MTRF1: variants seen among roughly 807,000 people sequenced by gnomAD.
MTRF1 encodes the protein peptide chain release factor 1, mitochondrial.
In MTRF1, 51 loss-of-function variants were observed where a neutral mutation model predicts 62.9. The ratio of observed to expected loss-of-function variants is 0.81; its 90% CI spans 0.65 to 1.02. The LOEUF is 1.02. Ranked by LOEUF, MTRF1 falls within the 50% of genes least tolerant of loss-of-function variation. MTRF1 has a pLI of 0.00. For synonymous variants in MTRF1, 158 were observed against 181.9 expected, an observed-to-expected ratio of 0.87 and a Z score of 1.06; for missense variants, 446 against 530.0, an observed-to-expected ratio of 0.84 and a Z score of 1.56.
chr13:41,230,886 C>A (rs1318772620), intron 7 of MTRF1, among the ~76,000 whole-genome samples: 1 of 152,002 alleles, frequency 6.6e-6, no homozygotes, highest in Admixed American at 6.6e-5. Flanking sequence ...CTACACCCAG[C>A]TAATTTTTTT....
At chr13:41,223,461 A>T (rs2033802997) in intron 8 of MTRF1, 107 bp from the exon 9 acceptor site, 3 of 867,938 alleles carry the variant, frequency 3.5e-6, no homozygotes, top group African/African-American at 1.7e-5. Flanking sequence ...ATACTTTCTA[A>T]AAGACATATA....
In MTRF1 at chr13:41,219,674, T is replaced by A. The variant is rs534054866; in HGVS notation, c.1225-2446A>T. On this transcript the variant is annotated intron_variant, in intron 9 of 9. Coordinates refer to ENST00000379480, the MANE Select transcript of MTRF1 (RefSeq NM_004294.4). ...ACAAAGAGAATAGTATTTTCCCGAA[T>A]AGAAATGAGCTGGGCATTTCCATCA... 6.6e-5 allele frequency among the ~76,000 whole-genome samples: 10 copies of A among 152,322 alleles called. No individual in the cohort carries two copies. The South Asian group carries it at 2.1e-3, about 32-fold the overall frequency.
chr13:41,299,104 G>GGTGTGT, the MTRF1 span, among the ~76,000 whole-genome samples: 8,494 of 149,496 alleles, frequency 0.057, 277 homozygotes, highest in African/African-American at 0.091. Flanking sequence ...CTTCAACCTG[G>GGTGTGT]GTGTGTGTGT....
the MTRF1 span, among the ~76,000 whole-genome samples, chr13:41,271,091 A>ACACACACAC: frequency 8.8e-3 from 1,210 of 137,182 alleles, 21 homozygotes; most frequent in African/African-American, 0.032. Flanking sequence ...ACACACACAC[A>ACACACACAC]CCCCATATAG....
chr13:41,223,003 C>G (rs970174166), intron 9 of MTRF1, among the ~76,000 whole-genome samples: 5 of 152,128 alleles, frequency 3.3e-5, no homozygotes, highest in Non-Finnish European at 7.4e-5. Flanking sequence ...ACTGAATATA[C>G]GTTCATGCAT....
the MTRF1 span, chr13:41,288,232 T>C: frequency 9.3e-6 from 4 of 428,290 alleles, no homozygotes; most frequent in South Asian, 3.5e-5. Context: ...TGATAATGCA[T>C]TGGGAAATGC....
the MTRF1 span, among the ~76,000 whole-genome samples, chr13:41,277,486 A>T: frequency 6.6e-6 from 1 of 152,180 alleles, no homozygotes; most frequent in Admixed American, 6.5e-5. Context: ...AGGCAGGAAG[A>T]ACCCATCAGG....
chr13:41,249,805 G>C (rs1395341554), intron 5 of MTRF1, among the ~76,000 whole-genome samples: 1 of 151,204 alleles, frequency 6.6e-6, no homozygotes, highest in Non-Finnish European at 1.5e-5. Flanking sequence ...TTTTGTATTT[G>C]TAGTAGACAT....
Position 41,260,609 on chromosome 13 carries a change from T to C in MTRF1, c.299A>G (p.Glu100Gly). Residue 100 changes from glutamate to glycine, a missense_variant, in exon 2 of 10, where the codon GAG (glutamate) becomes GGG (glycine). Coordinates refer to ENST00000379480, the MANE Select transcript of MTRF1 (RefSeq NM_004294.4). ...TCTGTTCAAGGACCTTCGGTTTTCC[T>C]CATTCACAGGGATATGCTGCAGACA... ...EQCLQHIPVNEENRRSLNRRH... is the reference protein window; with the variant it reads ...EQCLQHIPVNGENRRSLNRRH... 1 of 1,614,172 alleles carries C rather than the reference T, an allele frequency of 6.2e-7. No homozygotes were observed. The highest frequency in any genetic ancestry group is 1.1e-5 in the South Asian group (1 of 91,084).
chr13:41,306,340 C>T, the MTRF1 span, among the ~76,000 whole-genome samples: 19 of 151,176 alleles, frequency 1.3e-4, no homozygotes, highest in East Asian at 3.9e-4. Context: ...GCCGAGATCG[C>T]GCCACTGCAC....
At chr13:41,233,801 A>G in intron 7 of MTRF1, 89 bp downstream of exon 7, 3 of 999,168 alleles carry the variant, frequency 3.0e-6, no homozygotes, top group Non-Finnish European at 4.7e-6. Flanking sequence ...CTGTGCAAGG[A>G]ACCAGACACT....
chr13:41,219,482 TAACA>T (rs911662660), intron 9 of MTRF1, among the ~76,000 whole-genome samples: 1 of 151,884 alleles, frequency 6.6e-6, no homozygotes, highest in African/African-American at 2.4e-5. Context: ...TTTCAGAGGC[TAACA>T]GTCTAAGTAG....
chr13:41,275,346 A>G, the MTRF1 span, among the ~76,000 whole-genome samples: 1 of 151,632 alleles, frequency 6.6e-6, no homozygotes, highest in African/African-American at 2.4e-5. Context: ...GACTACATGC[A>G]CCCGCCACCA....
At chr13:41,252,814 A>T in intron 4 of MTRF1, 62 bp from the exon 5 acceptor site, 1 of 1,447,656 alleles carries the variant, frequency 6.9e-7, no homozygotes, top group Non-Finnish European at 9.7e-7. Flanking sequence ...CCTTAAGACT[A>T]AGTCCTTTAG....
chr13:41,263,071 CG>C (rs2040654798), intron 1 of MTRF1, among the ~76,000 whole-genome samples: 1 of 152,106 alleles, frequency 6.6e-6, no homozygotes, highest in South Asian at 2.1e-4. Context: ...CCACCACCCC[CG>C]TATTTCAAGC....
At chr13:41,256,117 GA>G (rs1464659233) in intron 2 of MTRF1, among the ~76,000 whole-genome samples, 4 of 152,144 alleles carry the variant, frequency 2.6e-5, no homozygotes, top group African/African-American at 9.7e-5. Flanking sequence ...AGTTGCTGGG[GA>G]GACAACGAAG....
chr13:41,299,075 G>A, the MTRF1 span, among the ~76,000 whole-genome samples: 1 of 145,344 alleles, frequency 6.9e-6, no homozygotes, highest in African/African-American at 2.6e-5. Flanking sequence ...CTACTCAGGA[G>A]GCTGAGGCAG....
In MTRF1 at chr13:41,223,316, A is replaced by T; in HGVS notation, c.1164T>A (p.Tyr388Ter). 2 of 1,614,076 alleles carry T rather than the reference A, an allele frequency of 1.2e-6. No homozygotes were observed. Among genetic ancestry groups the T allele is most frequent in the Non-Finnish European group, 8.5e-7 (1 of 1,179,972 alleles). Residue 388 changes from tyrosine (Y) to a stop codon, truncating the protein, a stop_gained, in exon 9 of 10, where the codon TAT becomes TAA. Coordinates refer to ENST00000379480, the MANE Select transcript of MTRF1 (RefSeq NM_004294.4). LOFTEE classifies it high-confidence loss of function. Reference sequence around the variant, plus strand: ...CACTGACTCTATCCTGGGTGAAATTATATGTCCGAATTCGCTCTGACTGGG... The same window carrying T: ...CACTGACTCTATCCTGGGTGAAATTTTATGTCCGAATTCGCTCTGACTGGG... ...TRAQSERIRT[Y>*]NFTQDRVSDH...
chr13:41,230,731 T>C (rs1179571244), intron 7 of MTRF1, among the ~76,000 whole-genome samples: 2 of 151,586 alleles, frequency 1.3e-5, no homozygotes, highest in African/African-American at 4.8e-5. Context: ...TTTCCCTTTT[T>C]TTTTTTTTGA....
Sources: allele counts gnomAD v4.1 joint callset (sites outside exome capture counted in the v4.1 genomes callset), GRCh38; gene constraint gnomAD v4.1.1; transcripts MANE v1.5; gene names NCBI Gene and HGNC (gene_info 2026-07-23, HGNC 2026-07-21).